RABGAP1L: variants seen among roughly 807,000 people sequenced by gnomAD.
RABGAP1L encodes the protein RAB GTPase activating protein 1 like.
RABGAP1L carries 63 observed loss-of-function variants against 137.7 expected under a neutral mutation model. The observed-to-expected ratio is 0.46, with a 90% confidence interval of 0.37 to 0.56. The LOEUF (loss-of-function observed/expected upper bound fraction) is 0.56, where lower values mean the gene tolerates loss of function less well. RABGAP1L is among the 20% of genes least tolerant of loss of function. The probability of loss-of-function intolerance (pLI) is 0.00; values close to 1 mark genes in which losing one functional copy is unlikely to be tolerated. For missense variants in RABGAP1L, 1,095 were observed against 1,244.0 expected (o/e 0.88, Z 1.80); for synonymous variants, 431 against 433.7 (o/e 0.99, Z 0.08).
intron 13 of RABGAP1L, among the ~76,000 whole-genome samples, chr1:174,512,086 A>G (rs978801827): frequency 6.6e-6 from 1 of 152,220 alleles, no homozygotes; most frequent in Admixed American, 6.5e-5. Flanking sequence ...GATCAGGGTA[A>G]TTAACATATC....
intron 1 of RABGAP1L, among the ~76,000 whole-genome samples, chr1:174,190,935 C>G (rs1160048916): frequency 1.3e-5 from 2 of 151,892 alleles, no homozygotes; most frequent in Non-Finnish European, 2.9e-5. Context: ...ATAGGGAGGC[C>G]CAAGGAGAGG....
chr1:174,286,226 T>C (rs993930998), intron 10 of RABGAP1L, among the ~76,000 whole-genome samples: 3 of 152,226 alleles, frequency 2.0e-5, no homozygotes, highest in Non-Finnish European at 4.4e-5. Context: ...GACTTTTTAT[T>C]GCTGATTCAG....
At chr1:174,928,581 C>T (rs1573869805) in intron 19 of RABGAP1L, among the ~76,000 whole-genome samples, 1 of 152,058 alleles carries the variant, frequency 6.6e-6, no homozygotes, top group East Asian at 1.9e-4. Context: ...TCATTATCTA[C>T]ATTGAGTCCT....
intron 19 of RABGAP1L, among the ~76,000 whole-genome samples, chr1:174,920,869 A>G (rs1661677465): frequency 6.6e-6 from 1 of 152,156 alleles, no homozygotes; most frequent in Non-Finnish European, 1.5e-5. Flanking sequence ...CTAGCCTCCA[A>G]AACTGTTAGG....
chr1:174,532,247 C>G (rs1335087531), intron 13 of RABGAP1L, among the ~76,000 whole-genome samples: 1 of 150,894 alleles, frequency 6.6e-6, no homozygotes, highest in African/African-American at 2.4e-5. Flanking sequence ...CTTGCTCTGT[C>G]ACCCAGGCTG....
At chr1:174,741,037 T>G (rs531396934) in intron 17 of RABGAP1L, among the ~76,000 whole-genome samples, 16 of 126,244 alleles carry the variant, frequency 1.3e-4, no homozygotes, top group Non-Finnish European at 2.5e-4. Flanking sequence ...TGTTGATTTT[T>G]TTGTTTTGTT....
chr1:174,236,662 A>G lies in RABGAP1L; in HGVS notation c.543-4821A>G, dbSNP rs1213971539. 3.9e-3 allele frequency among the ~76,000 whole-genome samples: 558 copies of G among 142,186 alleles called. 4 individuals are homozygous for G. The highest frequency in any genetic ancestry group is 3.7e-3 in the Middle Eastern group (1 of 272). 93.3% of individuals were successfully genotyped at this position (142,186 alleles called of 152,430 possible). On this transcript the variant is annotated intron_variant, in intron 4 of 25. Coordinates refer to ENST00000681986, the MANE Select transcript of RABGAP1L (RefSeq NM_001366446.1). ...TTTGTTATAATTTCTGTTCTTTTAC[A>G]TTTGCTGAGGAGAGCTTTACTTCCA...
chr1:174,223,298 C>T (rs1397301934), intron 3 of RABGAP1L, among the ~76,000 whole-genome samples: 1 of 98,908 alleles, frequency 1.0e-5, no homozygotes, highest in African/African-American at 3.4e-5. Flanking sequence ...AAAAAATTAG[C>T]TGGGCAGGGT....
chr1:174,586,796 G>A lies in RABGAP1L; in HGVS notation c.1711-50579G>A, dbSNP rs868702958. Among the ~76,000 whole-genome samples, 9 of 152,164 alleles carry A rather than the reference G, an allele frequency of 5.9e-5. No individual in the cohort carries two copies. In the South Asian group the frequency reaches 8.3e-4, roughly 14 times the overall value. On this transcript the variant is annotated intron_variant, in intron 13 of 25. Coordinates refer to ENST00000681986, the MANE Select transcript of RABGAP1L (RefSeq NM_001366446.1). ...TTTTTAGTACAGACAGGGTTTCACC[G>A]TGTTGGTCAGTCTGATCTCGAACTC... is the stretch of plus-strand genomic sequence containing the variant.
intron 11 of RABGAP1L, among the ~76,000 whole-genome samples, chr1:174,343,867 A>G (rs1682200998): frequency 6.6e-6 from 1 of 152,196 alleles, no homozygotes; most frequent in Non-Finnish European, 1.5e-5. Flanking sequence ...AAAACCAGAA[A>G]TAATCCATCC....
At chr1:174,638,049 T>C (rs1674206234) in intron 14 of RABGAP1L, among the ~76,000 whole-genome samples, 1 of 152,192 alleles carries the variant, frequency 6.6e-6, no homozygotes, top group African/African-American at 2.4e-5. Context: ...ATACAGAAGA[T>C]TCTGTCTCTG....
chr1:174,438,762 A>ATATG (rs1194339392), intron 13 of RABGAP1L, among the ~76,000 whole-genome samples: 2 of 142,784 alleles, frequency 1.4e-5, no homozygotes, highest in African/African-American at 2.6e-5. Flanking sequence ...ATATATATAT[A>ATATG]TATATATATA....
chr1:174,440,985 TGAG>T (rs1654066908), intron 13 of RABGAP1L, among the ~76,000 whole-genome samples: 1 of 152,054 alleles, frequency 6.6e-6, no homozygotes, highest in East Asian at 1.9e-4. Flanking sequence ...TAAGTTCTAT[TGAG>T]GAGTAGTTTG....
intron 13 of RABGAP1L, among the ~76,000 whole-genome samples, chr1:174,619,615 G>A (rs1179518456): frequency 6.6e-6 from 1 of 152,166 alleles, no homozygotes; most frequent in African/African-American, 2.4e-5. Context: ...CACCAGGCCT[G>A]CCCTAAAAGA....
intron 18 of RABGAP1L, among the ~76,000 whole-genome samples, chr1:174,794,587 A>G (rs910998965): frequency 6.6e-6 from 1 of 152,208 alleles, no homozygotes; most frequent in Non-Finnish European, 1.5e-5. Context: ...CAGCTAGTAA[A>G]TGTGACTAAA....
At chr1:174,486,612 C>T in intron 13 of RABGAP1L, among the ~76,000 whole-genome samples, 1 of 152,058 alleles carries the variant, frequency 6.6e-6, no homozygotes, top group East Asian at 1.9e-4. Context: ...TCCCAAAGTG[C>T]TGGGATTACA....
chr1:174,636,226 G>C (rs186338806), intron 13 of RABGAP1L, among the ~76,000 whole-genome samples: 1 of 152,012 alleles, frequency 6.6e-6, no homozygotes, highest in Non-Finnish European at 1.5e-5. Context: ...AAATATCTAG[G>C]CTTATCTTTA....
At chr1:174,896,128 C>T (rs1177557720) in intron 19 of RABGAP1L, among the ~76,000 whole-genome samples, 13 of 152,108 alleles carry the variant, frequency 8.5e-5, no homozygotes, top group Admixed American at 2.6e-4. Context: ...TTTTAATGAT[C>T]GCCATTCTAA....
intron 13 of RABGAP1L, among the ~76,000 whole-genome samples, chr1:174,427,341 C>CA (rs1652085816): frequency 6.6e-6 from 1 of 152,100 alleles, no homozygotes; most frequent in Admixed American, 6.6e-5. Flanking sequence ...GACTCCTTCT[C>CA]AATAGAGATA....
Sources: gnomAD v4.1 joint callset for allele counts (sites outside exome capture counted in the v4.1 genomes callset) on GRCh38, gnomAD v4.1.1 for gene constraint, MANE v1.5 for transcripts, NCBI Gene and HGNC (gene_info 2026-07-23, HGNC 2026-07-21) for gene names.